Variants in IGSF9B observed in about 807,000 individuals in gnomAD.
IGSF9B encodes immunoglobulin superfamily member 9B.
A neutral mutation model predicts 143.7 loss-of-function variants in IGSF9B; 48 were observed. The ratio of observed to expected loss-of-function variants is 0.33; its 90% CI spans 0.26 to 0.42. IGSF9B has a LOEUF of 0.42. Ranked by LOEUF, IGSF9B falls within the 20% of genes least tolerant of loss-of-function variation. The pLI is 1.00. For synonymous variants in IGSF9B, 903 were observed against 833.1 expected (o/e 1.08, Z -1.44); for missense variants, 1,706 against 1,980.0 (o/e 0.86, Z 2.63).
rs1041141106 is a variant in IGSF9B at position 133,901,198 on chromosome 11, T to C, written c.*7871A>G. The stretch of plus-strand genomic sequence containing the variant: ...TCCTGCAGGTGGGTTATTTGTTTTG[T>C]TATTTTACAAACTTTTCATATATAC... On this transcript the variant is annotated 3_prime_UTR_variant, in exon 20 of 20. Coordinates refer to ENST00000533871, the MANE Select transcript of IGSF9B (RefSeq NM_001277285.4). The C allele has an allele frequency of 6.6e-6, 1 of 152,326 alleles. No homozygotes were observed. Among genetic ancestry groups the C allele is most frequent in the Middle Eastern group, 3.4e-3 (1 of 294 alleles). 9.4% of individuals were successfully genotyped at this position (152,326 alleles called of 1,614,324 possible).
In IGSF9B at chr11:133,907,863, A is replaced by C. The variant is rs939779183; in HGVS notation, c.*1206T>G. Among the ~76,000 whole-genome samples the C allele has an allele frequency of 2.6e-5, 4 of 152,202 alleles. No individual in the cohort carries two copies. Among genetic ancestry groups the C allele is most frequent in the African/African-American group, 7.2e-5 (3 of 41,464 alleles). The stretch of plus-strand genomic sequence containing the variant: ...TCCCCCTGCAGCTCAGGTCCACCGG[A>C]GGACGAAGGCCCCGGGGCAGAGAAG... On this transcript the variant is annotated 3_prime_UTR_variant, in exon 20 of 20. Transcript: ENST00000533871.
chr11:133,909,266 A>G lies in IGSF9B; in HGVS notation c.4117T>C (p.Ser1373Pro). ...KSKKRSDDSA[S>P]QTQQLPNSQV... ...GAGTTGGGAAGCTGCTGAGTCTGGG[A>G]GGCAGAATCGTCTAGGAAGAAAGGA... Residue 1373 changes from serine (S) to proline (P), a missense_variant, in exon 20 of 20, where the codon TCC (serine) becomes CCC (proline). By Grantham distance (74) the Ser-to-Pro change is moderately conservative (BLOSUM62 -1). This residue lies in a region of IGSF9B where 880 missense variants were observed against 762.9 expected (regional missense o/e 1.15). Coordinates refer to ENST00000533871, the MANE Select transcript of IGSF9B (RefSeq NM_001277285.4). This position sits in a 1 kb window ranked among gnomAD's most constrained non-coding sequence, Gnocchi z 4.2. 5 of 1,535,806 alleles carry G rather than the reference A, an allele frequency of 3.3e-6. No homozygotes were observed. In the South Asian group the frequency reaches 4.8e-5, roughly 15 times the overall value.
chr11:133,909,230 A>C lies in IGSF9B; in HGVS notation c.4153T>G (p.Trp1385Gly). Residue 1385 changes from tryptophan (W) to glycine (G), a missense_variant, in exon 20 of 20, where the codon TGG becomes GGG. Transcript: ENST00000533871. The surrounding 1 kb of genome is among the most constrained non-coding windows in gnomAD (Gnocchi z 4.2). The stretch of plus-strand genomic sequence containing the variant: ...CGGAGGCAGACAGCTTCATCGGGCC[A>C]CAGAACCTGAGAGTTGGGAAGCTGC... ...TQQLPNSQVL[W>G]PDEAVCLRKK... The C allele has an allele frequency of 1.3e-6, 2 of 1,535,916 alleles. No individual in the cohort carries two copies. Among genetic ancestry groups the C allele is most frequent in the Non-Finnish European group, 8.7e-7 (1 of 1,146,736 alleles).
chr11:133,948,328 AAG>A lies in IGSF9B; in HGVS notation c.65-2072_65-2071del, dbSNP rs1940095993. On this transcript the variant is annotated intron_variant, in intron 1 of 19. Transcript: ENST00000533871. This position sits in a 1 kb window ranked among gnomAD's most constrained non-coding sequence, Gnocchi z 4.7. ...CGGTGACATCACAGTTTTCTAGAGA[AAG>A]AGCTAAGATCACAGAGTATTTTTGG... 6.6e-6 allele frequency among the ~76,000 whole-genome samples: 1 copy of A among 152,116 alleles called. No individual in the cohort carries two copies. Among genetic ancestry groups the A allele is most frequent in the South Asian group, 2.1e-4 (1 of 4,820 alleles).
rs1377081080 is a variant in IGSF9B, at chr11:133,953,021, T to C, written c.64+3670A>G. Among the ~76,000 whole-genome samples, 1 of 151,982 alleles carries C rather than the reference T, an allele frequency of 6.6e-6. No homozygotes were observed. The highest frequency in any genetic ancestry group is 2.4e-5 in the African/African-American group (1 of 41,372). ...GGCCCAGCCCTCTTTGGAGCTTATC[T>C]CCCACCCCCACATCTTGAAGCACCC... On this transcript the variant is annotated intron_variant, in intron 1 of 19. Transcript: ENST00000533871. This position sits in a 1 kb window ranked among gnomAD's most constrained non-coding sequence, Gnocchi z 4.2.
intron 5 of IGSF9B, among the ~76,000 whole-genome samples, chr11:133,936,739 C>T (rs1591720236): frequency 6.6e-6 from 1 of 151,998 alleles, no homozygotes; most frequent in South Asian, 2.1e-4. Context: ...GCAGGAGGAG[C>T]ATGCAGCCGC....
rs1939155892 is a variant in IGSF9B at position 133,902,567 on chromosome 11, C to CACATACACACACACA, written c.*6501_*6502insTGTGTGTGTGTATGT. ...ACACACACCACATACACACACACACCCCACACACACACACACACACCCCAC... is the reference window on the plus strand; with the variant it reads ...ACACACACCACATACACACACACACCACATACACACACACACCACACACACACACACACACCCCAC... On this transcript the variant is annotated 3_prime_UTR_variant, in exon 20 of 20. Transcript: ENST00000533871. 4.6e-5 allele frequency among the ~76,000 whole-genome samples: 5 copies of CACATACACACACACA among 109,564 alleles called. No individual in the cohort carries two copies. The highest frequency in any genetic ancestry group is 6.4e-5 in the Non-Finnish European group (3 of 47,200). The allele number at this position is 109,564 out of a possible 152,430, so 71.9% of individuals were successfully genotyped here.
intron 1 of IGSF9B, among the ~76,000 whole-genome samples, chr11:133,952,876 T>G (rs1340910471): frequency 6.6e-6 from 1 of 152,124 alleles, no homozygotes; most frequent in South Asian, 2.1e-4. Context: ...AGATCCACTC[T>G]TCACACAAGC....
chr11:133,917,224 C>T (rs919984799), intron 18 of IGSF9B, among the ~76,000 whole-genome samples: 19 of 152,248 alleles, frequency 1.2e-4, no homozygotes, highest in Middle Eastern at 3.4e-3. Context: ...GCAGAGGGTC[C>T]GTGGCGAGCG....
chr11:133,943,278 GACA>G (rs1368090576), intron 3 of IGSF9B, among the ~76,000 whole-genome samples: 8 of 152,200 alleles, frequency 5.3e-5, no homozygotes, highest in African/African-American at 1.9e-4. Context: ...AATAACGAAG[GACA>G]CATTGTTAAT....
At chr11:133,915,266 CTCTT>C (rs1939359805) in intron 18 of IGSF9B, among the ~76,000 whole-genome samples, 2 of 75,152 alleles carry the variant, frequency 2.7e-5, no homozygotes, top group Non-Finnish European at 2.8e-5. Flanking sequence ...TTCTCTCTCT[CTCTT>C]TTTTTTTTTT....
chr11:133,912,420 A>G, intron 18 of IGSF9B: 1 of 456,448 alleles, frequency 2.2e-6, no homozygotes, highest in Non-Finnish European at 4.4e-6. Flanking sequence ...ATATTAGAGC[A>G]GGGGGCAAGC....
In IGSF9B at chr11:133,952,126, T is replaced by C. The variant is rs1420265354; in HGVS notation, c.64+4565A>G. On this transcript the variant is annotated intron_variant, in intron 1 of 19. Coordinates refer to ENST00000533871, the MANE Select transcript of IGSF9B (RefSeq NM_001277285.4). ...TCGGACTCTTTCTCCAGAGCCCTCT[T>C]GGAGGCCCCATCTCCTGCTTATTCA... 3 of 443,634 alleles carry C rather than the reference T, an allele frequency of 6.8e-6. No individual in the cohort carries two copies. In the Admixed American group the frequency reaches 7.1e-5, roughly 11 times the overall value. 27.5% of individuals were successfully genotyped at this position (443,634 alleles called of 1,614,324 possible). A position where few individuals can be genotyped will look rare whatever the true frequency, so the allele number is the denominator to read the frequency against.
rs111957378 is a variant in IGSF9B at position 133,900,019 on chromosome 11, T to G, written c.*9050A>C. ...GTGGGGAGTGTTCTCAGCAGTTAAT[T>G]TGAGGACCCAAGGACAGTGCCTGAC... On this transcript the variant is annotated 3_prime_UTR_variant, in exon 20 of 20. Coordinates refer to ENST00000533871, the MANE Select transcript of IGSF9B (RefSeq NM_001277285.4). 1.5e-4 allele frequency: 23 copies of G among 152,238 alleles called. No individual in the cohort carries two copies. The highest frequency in any genetic ancestry group is 5.5e-4 in the African/African-American group (23 of 41,458). 9.4% of individuals were successfully genotyped at this position (152,238 alleles called of 1,614,324 possible).
intron 1 of IGSF9B, among the ~76,000 whole-genome samples, chr11:133,947,566 C>G (rs1157161030): frequency 6.6e-6 from 1 of 152,234 alleles, no homozygotes; most frequent in Admixed American, 6.5e-5. Context: ...CTGCCATTCC[C>G]CATTCCGGTG....
At chr11:133,951,650 T>C (rs1446579613) in intron 1 of IGSF9B, among the ~76,000 whole-genome samples, 1 of 152,152 alleles carries the variant, frequency 6.6e-6, no homozygotes, top group Non-Finnish European at 1.5e-5. Flanking sequence ...TCCACTCCTT[T>C]AATGGCTCCT....
intron 1 of IGSF9B, among the ~76,000 whole-genome samples, chr11:133,946,903 G>A (rs1194720257): frequency 6.6e-6 from 1 of 152,216 alleles, no homozygotes; most frequent in Non-Finnish European, 1.5e-5. Flanking sequence ...AGGCTGAGCC[G>A]GCCTCTCCAG....
chr11:133,937,745 T>G, intron 4 of IGSF9B, 65 bp downstream of exon 4: 1 of 1,547,292 alleles, frequency 6.5e-7, no homozygotes. Context: ...TCGGCTGCAG[T>G]AGGAGGCTGC....
rs764955623 is a variant in IGSF9B, at chr11:133,920,864, C to T, written c.2861G>A (p.Arg954Gln). 43 of 1,601,038 alleles carry T rather than the reference C, an allele frequency of 2.7e-5. No homozygotes were observed. The African/African-American group carries it at 3.2e-4, about 12-fold the overall frequency. ...GTGGAAGGGCCGGGGGGCAGGGGGCCGGGCCTGGCCTGTGGCCTGAAGCCG... is the reference window on the plus strand; with the variant it reads ...GTGGAAGGGCCGGGGGGCAGGGGGCTGGGCCTGGCCTGTGGCCTGAAGCCG... The part of the protein sequence containing the change: ...EGRLQATGQA[R>Q]PPAPRPFHHG... The change falls in exon 18 of 20, where the codon CGG becomes CAG. Residue 954 changes from arginine to glutamine, a missense_variant. Coordinates refer to ENST00000533871, the MANE Select transcript of IGSF9B (RefSeq NM_001277285.4).
Sources: allele counts gnomAD v4.1 joint callset (sites outside exome capture counted in the v4.1 genomes callset), GRCh38; gene constraint gnomAD v4.1.1; regional missense constraint gnomAD v4.1.1; non-coding constraint Gnocchi (gnomAD v3.1); transcripts MANE v1.5; gene names NCBI Gene and HGNC (gene_info 2026-07-23, HGNC 2026-07-21).